COL25A1: variants seen among roughly 807,000 people sequenced by gnomAD.
The protein encoded by COL25A1 is collagen alpha-1(XXV) chain.
In COL25A1, 103 loss-of-function variants were observed where a neutral mutation model predicts 128.4. The observed-to-expected ratio is 0.80, with a 90% CI of 0.68 to 0.94. COL25A1 has a LOEUF of 0.94. COL25A1 is among the 40% of genes least tolerant of loss of function. The probability of loss-of-function intolerance (pLI) is 0.00; values close to 1 mark genes in which losing one functional copy is unlikely to be tolerated. For missense variants in COL25A1, 745 were observed against 840.0 expected (o/e 0.89, Z 1.40); for synonymous variants, 279 against 277.2 (o/e 1.01, Z -0.06).
intron 3 of COL25A1, among the ~76,000 whole-genome samples, chr4:109,192,526 G>A (rs1297642618): frequency 6.6e-6 from 1 of 152,114 alleles, no homozygotes; most frequent in Admixed American, 6.6e-5. Flanking sequence ...CATGAGGGTG[G>A]GCTTTAATCC....
intron 3 of COL25A1, among the ~76,000 whole-genome samples, chr4:109,122,254 C>G (rs1204502785): frequency 6.6e-6 from 1 of 151,924 alleles, no homozygotes; most frequent in African/African-American, 2.4e-5. Context: ...CAAGAGGGAA[C>G]CCTAATGTAA....
At chr4:109,174,829 A>AACTGGTCCATGG (rs1773936875) in intron 3 of COL25A1, among the ~76,000 whole-genome samples, 1 of 152,194 alleles carries the variant, frequency 6.6e-6, no homozygotes, top group African/African-American at 2.4e-5. Flanking sequence ...AAGGCTGCAG[A>AACTGGTCCATGG]CTACTACTGG....
At chr4:109,020,216 A>G (rs946847481) in intron 5 of COL25A1, among the ~76,000 whole-genome samples, 2 of 152,212 alleles carry the variant, frequency 1.3e-5, no homozygotes, top group Non-Finnish European at 2.9e-5. Flanking sequence ...TATACACTTG[A>G]CTGAGATAAA....
chr4:108,820,796 TA>T (rs1383252876), intron 35 of COL25A1, among the ~76,000 whole-genome samples: 1 of 151,520 alleles, frequency 6.6e-6, no homozygotes, highest in East Asian at 1.9e-4. Flanking sequence ...GATAATTACA[TA>T]GTGGGAATGT....
At chr4:109,135,347 C>T (rs556047548) in intron 3 of COL25A1, among the ~76,000 whole-genome samples, 2 of 152,150 alleles carry the variant, frequency 1.3e-5, no homozygotes, top group East Asian at 3.9e-4. Context: ...TCATTACTCA[C>T]CAAAAAGAAT....
intron 3 of COL25A1, among the ~76,000 whole-genome samples, chr4:109,194,778 G>A (rs1775893262): frequency 6.6e-6 from 1 of 152,098 alleles, no homozygotes; most frequent in African/African-American, 2.4e-5. Flanking sequence ...CCATGTGACT[G>A]TGCAATTCCT....
At chr4:109,119,821 T>G (rs1767954607) in intron 3 of COL25A1, among the ~76,000 whole-genome samples, 1 of 151,964 alleles carries the variant, frequency 6.6e-6, no homozygotes, top group Non-Finnish European at 1.5e-5. Context: ...CCAGTTAAAG[T>G]CATCAGAAGA....
chr4:109,250,026 G>A (rs1041982836), intron 3 of COL25A1, among the ~76,000 whole-genome samples: 1 of 152,094 alleles, frequency 6.6e-6, no homozygotes, highest in African/African-American at 2.4e-5. Flanking sequence ...TAGAGGAGAT[G>A]GGCAACCAGT....
intron 6 of COL25A1, among the ~76,000 whole-genome samples, chr4:108,975,813 A>G (rs1357097249): frequency 6.6e-6 from 1 of 152,134 alleles, no homozygotes; most frequent in South Asian, 2.1e-4. Flanking sequence ...CCTTTTTCAT[A>G]AAGTGTCTCT....
rs181756345 is a variant in COL25A1, at chr4:108,924,382, G to A, written c.709-3778C>T. Among the ~76,000 whole-genome samples, 152 of 152,148 alleles carry A rather than the reference G, an allele frequency of 1.0e-3. 1 individual carries two copies. The highest frequency in any genetic ancestry group is 3.4e-3 in the African/African-American group (143 of 41,508). ...ATTCTTTCCAATTTTTCCTCTCCCC[G>A]CTAGATTCCATATGTAAAGATTTAT... On this transcript the variant is annotated intron_variant, in intron 11 of 37. Coordinates refer to ENST00000399132, the MANE Select transcript of COL25A1 (RefSeq NM_198721.4).
At chr4:109,061,995 T>A (rs1220582715) in intron 3 of COL25A1, among the ~76,000 whole-genome samples, 1 of 152,208 alleles carries the variant, frequency 6.6e-6, no homozygotes, top group Non-Finnish European at 1.5e-5. Context: ...GCATAGGAAC[T>A]AACACAGAAT....
At chr4:109,206,902 G>A (rs1251122767) in intron 3 of COL25A1, among the ~76,000 whole-genome samples, 1 of 152,190 alleles carries the variant, frequency 6.6e-6, no homozygotes, top group African/African-American at 2.4e-5. Flanking sequence ...CAGCCAGTCA[G>A]CTGAGCTTGG....
chr4:109,056,029 G>A (rs977892576), intron 3 of COL25A1, among the ~76,000 whole-genome samples: 1 of 151,970 alleles, frequency 6.6e-6, no homozygotes, highest in African/African-American at 2.4e-5. Flanking sequence ...GTTTATAAAC[G>A]AAAGTTAATC....
intron 3 of COL25A1, among the ~76,000 whole-genome samples, chr4:109,119,034 G>A (rs1767872479): frequency 2.0e-5 from 3 of 151,706 alleles, no homozygotes; most frequent in Non-Finnish European, 4.4e-5. Flanking sequence ...GATAACAATG[G>A]AATGAAACTG....
At chr4:108,835,073 A>G (rs1733624292) in intron 31 of COL25A1, among the ~76,000 whole-genome samples, 1 of 152,248 alleles carries the variant, frequency 6.6e-6, no homozygotes, top group East Asian at 1.9e-4. Context: ...ATTGTTTCTC[A>G]ATTCCTTCAA....
chr4:109,213,306 C>G (rs190774843), intron 3 of COL25A1, among the ~76,000 whole-genome samples: 1 of 152,058 alleles, frequency 6.6e-6, no homozygotes, highest in South Asian at 2.1e-4. Context: ...GCAAAGTATG[C>G]AACACTCCTC....
intron 3 of COL25A1, among the ~76,000 whole-genome samples, chr4:109,177,649 C>T (rs902068124): frequency 3.9e-5 from 6 of 152,322 alleles, no homozygotes; most frequent in Middle Eastern, 3.4e-3. Flanking sequence ...AGGTGACAAG[C>T]CTGGCAGGAC....
intron 18 of COL25A1, among the ~76,000 whole-genome samples, chr4:108,886,486 G>GTTTTTTTTTTTTT (rs1199944880): frequency 3.0e-4 from 24 of 79,906 alleles, no homozygotes; most frequent in African/African-American, 1.0e-3. Flanking sequence ...GTGTGTGTGT[G>GTTTTTTTTTTTTT]TGTGTGTTTA....
At chr4:108,926,652 G>C (rs1044113801) in intron 11 of COL25A1, among the ~76,000 whole-genome samples, 1 of 151,956 alleles carries the variant, frequency 6.6e-6, no homozygotes, top group Non-Finnish European at 1.5e-5. Context: ...CTGGTGAAAT[G>C]CATCACAAGA....
Sources: gnomAD v4.1 joint callset for allele counts (sites outside exome capture counted in the v4.1 genomes callset) on GRCh38, gnomAD v4.1.1 for gene constraint, MANE v1.5 for transcripts, NCBI Gene and HGNC (gene_info 2026-07-23, HGNC 2026-07-21) for gene names.